MYO1D: variants seen among roughly 807,000 people sequenced by gnomAD.
MYO1D encodes the protein myosin ID.
In MYO1D, 83 loss-of-function variants were observed where a neutral mutation model predicts 122.0. That is an observed-to-expected ratio of 0.68 (90% CI 0.57 to 0.82). The LOEUF is 0.82. Among genes scored for constraint, MYO1D ranks in the 40% least tolerant of loss-of-function variants. The pLI, the probability that MYO1D is intolerant of heterozygous loss-of-function variation, is 0.00. For missense variants in MYO1D, 1,157 were observed against 1,269.5 expected (o/e 0.91, Z 1.35); for synonymous variants, 464 against 446.9 (o/e 1.04, Z -0.48).
intron 1 of MYO1D, among the ~76,000 whole-genome samples, chr17:32,864,052 G>C (rs544473566): frequency 2.6e-5 from 1 of 38,894 alleles, no homozygotes; most frequent in Admixed American, 3.5e-4. Flanking sequence ...TTTGGTGTTT[G>C]CAAGAATAAA....
chr17:32,678,029 A>C (rs563402819), intron 16 of MYO1D, among the ~76,000 whole-genome samples: 1 of 152,328 alleles, frequency 6.6e-6, no homozygotes, highest in African/African-American at 2.4e-5. Context: ...ATGGATGTGT[A>C]ATAGCATCAA....
chr17:32,815,200 T>C (rs1022681130), intron 1 of MYO1D, among the ~76,000 whole-genome samples: 2 of 152,222 alleles, frequency 1.3e-5, no homozygotes, highest in Non-Finnish European at 1.5e-5. Context: ...AAATAGGCGC[T>C]CAAGGCTCAA....
chr17:32,873,390 A>G (rs1218369319), intron 1 of MYO1D, among the ~76,000 whole-genome samples: 2 of 152,186 alleles, frequency 1.3e-5, no homozygotes, highest in Admixed American at 6.5e-5. Context: ...AGCAGGAACT[A>G]CAGCTTGGGA....
intron 21 of MYO1D, among the ~76,000 whole-genome samples, chr17:32,502,387 G>A (rs1412369056): frequency 9.2e-5 from 14 of 152,176 alleles, no homozygotes; most frequent in Admixed American, 9.2e-4. Context: ...ACCAGTTAGT[G>A]GCTGCCAAGG....
chr17:32,627,241 T>C (rs532287245), intron 20 of MYO1D, among the ~76,000 whole-genome samples: 218 of 152,194 alleles, frequency 1.4e-3, no homozygotes, highest in African/African-American at 5.1e-3. Context: ...AACTAATAAA[T>C]ATAGTTGAAA....
intron 12 of MYO1D, among the ~76,000 whole-genome samples, chr17:32,745,904 T>C (rs1183771260): frequency 6.6e-6 from 1 of 151,010 alleles, no homozygotes; most frequent in Admixed American, 6.6e-5. Flanking sequence ...AATAGAATTG[T>C]ACTACTCCCA....
chr17:32,723,137 G>C (rs1389139961), intron 14 of MYO1D, among the ~76,000 whole-genome samples: 1 of 152,176 alleles, frequency 6.6e-6, no homozygotes, highest in African/African-American at 2.4e-5. Flanking sequence ...ATTCCAGGGG[G>C]ACAGAAGCTC....
At chr17:32,836,776 C>T (rs187133103) in intron 1 of MYO1D, among the ~76,000 whole-genome samples, 183 of 152,162 alleles carry the variant, frequency 1.2e-3, no homozygotes, top group African/African-American at 4.0e-3. Context: ...GATTATACCA[C>T]GGTTAAGCCA....
chr17:32,504,880 C>A (rs1183363029), intron 21 of MYO1D: 3 of 152,338 alleles, frequency 2.0e-5, no homozygotes, highest in African/African-American at 7.2e-5. Flanking sequence ...TGAGAGGTGT[C>A]GTCTGCACGG....
In MYO1D at chr17:32,565,673, T is replaced by A. The variant is rs369367664; in HGVS notation, c.2864+39414A>T. On this transcript the variant is annotated intron_variant, in intron 21 of 21. Transcript: ENST00000318217. ...AGTAATGACTTTGTTACCACTGGCATCTGAACAGGAAGTCCAGATCTGAAG... is the reference window on the plus strand; with the variant it reads ...AGTAATGACTTTGTTACCACTGGCAACTGAACAGGAAGTCCAGATCTGAAG... Among the ~76,000 whole-genome samples the A allele has an allele frequency of 3.9e-4, 60 of 152,310 alleles. No homozygotes were observed. In the East Asian group the frequency reaches 9.3e-3, roughly 24 times the overall value.
At chr17:32,848,939 G>A (rs2090961334) in intron 1 of MYO1D, among the ~76,000 whole-genome samples, 2 of 152,096 alleles carry the variant, frequency 1.3e-5, no homozygotes, top group South Asian at 2.1e-4. Flanking sequence ...ACGTACCTGT[G>A]CAAAGTTACA....
intron 20 of MYO1D, among the ~76,000 whole-genome samples, chr17:32,617,253 A>G (rs1435502935): frequency 2.6e-5 from 4 of 152,134 alleles, no homozygotes; most frequent in Non-Finnish European, 5.9e-5. Flanking sequence ...AAGCATCTCC[A>G]AAAGGCCTCA....
chr17:32,659,432 A>G (rs2088526435), intron 16 of MYO1D, 94 bp from the exon 17 acceptor site: 1 of 1,298,144 alleles, frequency 7.7e-7, no homozygotes, highest in Admixed American at 1.9e-5. Context: ...TACAAACTCA[A>G]CCAGGCAACT....
intron 21 of MYO1D, among the ~76,000 whole-genome samples, chr17:32,588,882 G>T (rs1028676967): frequency 6.6e-6 from 1 of 152,094 alleles, no homozygotes; most frequent in Non-Finnish European, 1.5e-5. Context: ...GGTGGAGGGT[G>T]CAGTGAGCTG....
chr17:32,701,606 A>C (rs900396649), intron 16 of MYO1D, among the ~76,000 whole-genome samples: 1 of 152,150 alleles, frequency 6.6e-6, no homozygotes, highest in African/African-American at 2.4e-5. Context: ...TCTGTCACTT[A>C]AGCTGAAGTT....
intron 16 of MYO1D, among the ~76,000 whole-genome samples, chr17:32,700,975 T>G (rs1308740302): frequency 6.8e-6 from 1 of 146,468 alleles, no homozygotes; most frequent in Admixed American, 6.8e-5. Flanking sequence ...AAGAAAATAG[T>G]AGAATAAATA....
intron 16 of MYO1D, among the ~76,000 whole-genome samples, chr17:32,699,533 G>T (rs2089218913): frequency 6.6e-6 from 1 of 152,156 alleles, no homozygotes; most frequent in Admixed American, 6.5e-5. Context: ...ATAGTTTCCA[G>T]TCAACTGGGA....
In MYO1D at chr17:32,828,832, ATTCTG is replaced by A. The variant is rs573197145; in HGVS notation, c.95+47941_95+47945del. Among the ~76,000 whole-genome samples the A allele has an allele frequency of 6.6e-5, 10 of 152,300 alleles. No individual in the cohort carries two copies. In the South Asian group the frequency reaches 1.2e-3, roughly 19 times the overall value. ...CTTCAGAGCCACTCTATGGTGTTGTATTCTGTTCTATCAGTTCTGTTGGTGCCATA... is the reference window on the plus strand; with the variant it reads ...CTTCAGAGCCACTCTATGGTGTTGTATTCTATCAGTTCTGTTGGTGCCATA... On this transcript the variant is annotated intron_variant, in intron 1 of 21. Transcript: ENST00000318217.
At chr17:32,804,703 A>G (rs1048529891) in intron 1 of MYO1D, among the ~76,000 whole-genome samples, 1 of 152,174 alleles carries the variant, frequency 6.6e-6, no homozygotes, top group East Asian at 1.9e-4. Context: ...AATAGTTCCT[A>G]GAACAGTGTT....
Sources: gnomAD v4.1 joint callset for allele counts (sites outside exome capture counted in the v4.1 genomes callset) on GRCh38, gnomAD v4.1.1 for gene constraint, MANE v1.5 for transcripts, NCBI Gene and HGNC (gene_info 2026-07-23, HGNC 2026-07-21) for gene names.